Variants in SOBP observed in about 807,000 individuals in gnomAD.
SOBP encodes sine oculis binding protein homolog.
In SOBP, 4 loss-of-function variants were observed where a neutral mutation model predicts 53.6. That is an observed-to-expected ratio of 0.07 (90% CI 0.04 to 0.17). The LOEUF is 0.17. SOBP is among the 10% of genes least tolerant of loss of function. The pLI is 1.00. For missense variants in SOBP, 1,088 were observed against 1,204.7 expected, an observed-to-expected ratio of 0.90 and a Z score of 1.43; for synonymous variants, 584 against 522.6, an observed-to-expected ratio of 1.12 and a Z score of -1.60.
At chr6:107,529,647 GC>G (rs1447695116) in intron 3 of SOBP, 1 of 983,490 alleles carries the variant, frequency 1.0e-6, no homozygotes, top group Non-Finnish European at 1.2e-6. Context: ...CAATTTAAAT[GC>G]CCCAAGAAGA....
At chr6:107,618,820 A>G (rs2115115600) in intron 5 of SOBP, among the ~76,000 whole-genome samples, 1 of 152,318 alleles carries the variant, frequency 6.6e-6, no homozygotes, top group East Asian at 1.9e-4. Flanking sequence ...GTCACGCCAT[A>G]GGTACTGGTA....
rs1462863935 is a variant in SOBP, at chr6:107,634,146, C to G, written c.1302C>G (p.Ile434Met). 15 of 1,611,158 alleles carry G rather than the reference C, an allele frequency of 9.3e-6. No homozygotes were observed. The East Asian group carries it at 3.4e-4, about 36-fold the overall frequency. The change falls in exon 6 of 7, where the codon ATC becomes ATG. Residue 434 changes from isoleucine to methionine, a missense_variant. Ile to Met is a conservative substitution (Grantham distance 10, BLOSUM62 1). Around this residue, in one of 6 missense-constraint regions of SOBP, gnomAD observed 211 missense variants for 258.9 expected, o/e 0.82. Coordinates refer to ENST00000317357, the MANE Select transcript of SOBP (RefSeq NM_018013.4). The surrounding 1 kb of genome is among the most constrained non-coding windows in gnomAD (Gnocchi z 4.5). ...TGTCCAACCCCATGCTTCCCGGCAT[C>G]GGGCCCCCGCCCGGTGGCCCCAGAA... ...SPLSNPMLPG[I>M]GPPPGGPRNL...
chr6:107,494,830 A>G lies in SOBP; in HGVS notation c.96+4118A>G, dbSNP rs920151446. ...TCTGTTAGAGTTTAGTAGTAAACTT[A>G]CCACAAGATTTTCTAGTTTGTTTTC... On this transcript the variant is annotated intron_variant, in intron 1 of 6. Coordinates refer to ENST00000317357, the MANE Select transcript of SOBP (RefSeq NM_018013.4). Among the ~76,000 whole-genome samples, 6 of 152,338 alleles carry G rather than the reference A, an allele frequency of 3.9e-5. No individual in the cohort carries two copies. In the East Asian group the frequency reaches 1.2e-3, roughly 29 times the overall value.
intron 4 of SOBP, among the ~76,000 whole-genome samples, chr6:107,569,691 A>G (rs1785016640): frequency 6.6e-6 from 1 of 152,240 alleles, no homozygotes; most frequent in South Asian, 2.1e-4. Context: ...TGTATGTAGT[A>G]CAGTATGCAT....
rs1213423925 is a variant in SOBP at position 107,624,547 on chromosome 6, G to A, written c.670-8967G>A. Among the ~76,000 whole-genome samples the A allele has an allele frequency of 2.6e-5, 4 of 152,352 alleles. No homozygotes were observed. The East Asian group carries it at 7.7e-4, about 29-fold the overall frequency. ...AACAGTAGGTAGAAGTGACAGGGAG[G>A]TGGAGTGGTTAAACTTTCTAATAAT... On this transcript the variant is annotated intron_variant, in intron 5 of 6. Transcript: ENST00000317357.
intron 4 of SOBP, among the ~76,000 whole-genome samples, chr6:107,548,443 T>C (rs534750949): frequency 1.5e-3 from 224 of 151,958 alleles, no homozygotes; most frequent in African/African-American, 4.2e-3. Flanking sequence ...AGGGTTTCAT[T>C]GTGTTAGCCA....
Position 107,607,536 on chromosome 6 carries a change from C to T in SOBP, c.669+20361C>T, listed in dbSNP as rs141006605. Among the ~76,000 whole-genome samples, 13 of 152,200 alleles carry T rather than the reference C, an allele frequency of 8.5e-5. No homozygotes were observed. In the East Asian group the frequency reaches 1.5e-3, roughly 18 times the overall value. ...AGAGTTTCTCTCCTACTTTTTCTTA[C>T]GCATTTGGCACCTGGTACCTATTGT... On this transcript the variant is annotated intron_variant, in intron 5 of 6. Coordinates refer to ENST00000317357, the MANE Select transcript of SOBP (RefSeq NM_018013.4).
chr6:107,550,069 T>A (rs938936934), intron 4 of SOBP, among the ~76,000 whole-genome samples: 4 of 152,114 alleles, frequency 2.6e-5, no homozygotes. Flanking sequence ...TCCATTTTGG[T>A]CTTGAGTCCT....
At chr6:107,554,328 G>T (rs1046235519) in intron 4 of SOBP, among the ~76,000 whole-genome samples, 1 of 152,188 alleles carries the variant, frequency 6.6e-6, no homozygotes, top group East Asian at 1.9e-4. Flanking sequence ...CACAAAACTG[G>T]TGATGTTAAG....
At chr6:107,557,361 T>G (rs2115020021) in intron 4 of SOBP, among the ~76,000 whole-genome samples, 1 of 152,350 alleles carries the variant, frequency 6.6e-6, no homozygotes, top group Admixed American at 6.5e-5. Flanking sequence ...TATGAGTGCT[T>G]CTGTGAACTG....
At chr6:107,653,195 A>G (rs1346138799) in intron 6 of SOBP, among the ~76,000 whole-genome samples, 1 of 152,238 alleles carries the variant, frequency 6.6e-6, no homozygotes. Context: ...GGAGAGAAGG[A>G]ATCGTGTTTT....
chr6:107,614,404 T>C (rs894670864), intron 5 of SOBP, among the ~76,000 whole-genome samples: 3 of 152,084 alleles, frequency 2.0e-5, no homozygotes, highest in African/African-American at 7.2e-5. Flanking sequence ...TAGGAGTAAC[T>C]GAAGATGTTA....
intron 5 of SOBP, among the ~76,000 whole-genome samples, chr6:107,591,278 A>C (rs1785737683): frequency 6.6e-6 from 1 of 152,208 alleles, no homozygotes. Context: ...ATGATGACAT[A>C]TTTAAAGAGC....
intron 4 of SOBP, among the ~76,000 whole-genome samples, chr6:107,538,495 T>A (rs886091135): frequency 2.0e-5 from 3 of 152,208 alleles, no homozygotes; most frequent in Non-Finnish European, 4.4e-5. Flanking sequence ...CACCAGTAAA[T>A]GCACCTGGGG....
Position 107,547,210 on chromosome 6 carries a change from C to T in SOBP, c.573+13600C>T, listed in dbSNP as rs374067381. On this transcript the variant is annotated intron_variant, in intron 4 of 6. Transcript: ENST00000317357. ...GCAATTCCATTCACTCAGCCATCAG[C>T]GAGCACAAGGGAACAAAACGTTTTA... is the stretch of plus-strand genomic sequence containing the variant. 1.8e-4 allele frequency among the ~76,000 whole-genome samples: 28 copies of T among 152,264 alleles called. No individual in the cohort carries two copies. The East Asian group carries it at 2.1e-3, about 12-fold the overall frequency.
chr6:107,594,835 A>G (rs973893986), intron 5 of SOBP, among the ~76,000 whole-genome samples: 3 of 152,224 alleles, frequency 2.0e-5, no homozygotes, highest in Admixed American at 1.3e-4. Context: ...AAATGCAGAG[A>G]TGGGATACTC....
At chr6:107,575,087 C>G (rs563906539) in intron 4 of SOBP, among the ~76,000 whole-genome samples, 7 of 152,206 alleles carry the variant, frequency 4.6e-5, no homozygotes, top group Non-Finnish European at 1.0e-4. Context: ...AGATCTGCAC[C>G]TGGTGTCATG....
In SOBP at chr6:107,583,107, G is replaced by A. The variant is rs77792872; in HGVS notation, c.574-3973G>A. Among the ~76,000 whole-genome samples, 1,017 of 152,336 alleles carry A rather than the reference G, an allele frequency of 6.7e-3. 17 individuals carry two copies. Among genetic ancestry groups the A allele is most frequent in the African/African-American group, 0.023 (954 of 41,570 alleles). On this transcript the variant is annotated intron_variant, in intron 4 of 6. Coordinates refer to ENST00000317357, the MANE Select transcript of SOBP (RefSeq NM_018013.4). ...AACCTCTGACTTTAATATATAAGAG[G>A]TTGTAAAACATTATGAACTGATTCT...
At chr6:107,522,850 A>T (rs1448474390) in intron 3 of SOBP, among the ~76,000 whole-genome samples, 1 of 152,014 alleles carries the variant, frequency 6.6e-6, no homozygotes, top group African/African-American at 2.4e-5. Flanking sequence ...AGCTGTGTAA[A>T]AATATTTAGG....
Sources: gnomAD v4.1 joint callset for allele counts (sites outside exome capture counted in the v4.1 genomes callset) on GRCh38, gnomAD v4.1.1 for gene constraint, gnomAD v4.1.1 regional missense constraint, Gnocchi (gnomAD v3.1) non-coding constraint, MANE v1.5 for transcripts, NCBI Gene and HGNC (gene_info 2026-07-23, HGNC 2026-07-21) for gene names.